The following GRM1 variants were observed in gnomAD, a reference collection of about 807,000 sequenced individuals.
GRM1 encodes the protein glutamate metabotropic receptor 1.
GRM1 carries 33 observed loss-of-function variants against 90.9 expected under a neutral mutation model. That is an observed-to-expected ratio of 0.36 (90% confidence interval 0.28 to 0.49). The LOEUF (loss-of-function observed/expected upper bound fraction) is 0.49. Ranked by LOEUF, GRM1 falls within the 20% of genes least tolerant of loss-of-function variation. The probability of loss-of-function intolerance (pLI) is 0.99; values close to 1 mark genes in which losing one functional copy is unlikely to be tolerated. For synonymous variants in GRM1, 700 were observed against 613.2 expected (o/e 1.14, Z -2.09); for missense variants, 1,190 against 1,534.3 (o/e 0.78, Z 3.75).
chr6:146,199,325 C>T (rs764354617), intron 2 of GRM1, among the ~76,000 whole-genome samples: 3 of 152,178 alleles, frequency 2.0e-5, no homozygotes, highest in Non-Finnish European at 4.4e-5. Flanking sequence ...CAGCATTGGT[C>T]ATTGCTTTCT....
At chr6:146,143,378 C>G (rs1004322357) in intron 1 of GRM1, among the ~76,000 whole-genome samples, 3 of 152,072 alleles carry the variant, frequency 2.0e-5, no homozygotes, top group African/African-American at 4.8e-5. Context: ...TTGATCCCAC[C>G]AAGCATAAGG....
intron 2 of GRM1, among the ~76,000 whole-genome samples, chr6:146,288,005 A>T (rs763203057): frequency 7.9e-5 from 12 of 152,236 alleles, no homozygotes; most frequent in Non-Finnish European, 1.8e-4. Flanking sequence ...GGAAACTAAT[A>T]TAGATTTGGC....
At chr6:146,317,155 G>T (rs953395627) in intron 3 of GRM1, among the ~76,000 whole-genome samples, 2 of 152,118 alleles carry the variant, frequency 1.3e-5, no homozygotes, top group Non-Finnish European at 2.9e-5. Context: ...TATTTTCAGA[G>T]ATTTTTAACA....
intron 1 of GRM1, among the ~76,000 whole-genome samples, chr6:146,156,752 G>C (rs1174680364): frequency 6.6e-6 from 1 of 152,184 alleles, no homozygotes; most frequent in African/African-American, 2.4e-5. Context: ...GAGTGGCAGA[G>C]GCTGAAACAG....
intron 2 of GRM1, among the ~76,000 whole-genome samples, chr6:146,287,473 A>G (rs1782808179): frequency 6.6e-6 from 1 of 152,158 alleles, no homozygotes; most frequent in South Asian, 2.1e-4. Flanking sequence ...GGCTGTTTGT[A>G]TTGGCTTCAG....
Position 146,434,556 on chromosome 6 carries a change from G to A in GRM1, c.3345G>A (p.Arg1115=). ...AGGAGTACGTGTATGAGCACGAGCG[G>A]GAAGGGAACACGGAAGAAGACGAAC... is the stretch of plus-strand genomic sequence containing the variant. ...LLQEYVYEHE[R]EGNTEEDELE... The change falls in exon 8 of 8, where the codon CGG becomes CGA. Residue 1115 remains arginine (R), a synonymous_variant. Transcript: ENST00000282753. The A allele has an allele frequency of 6.2e-7, 1 of 1,614,110 alleles. No individual in the cohort carries two copies. The highest frequency in any genetic ancestry group is 1.1e-5 in the South Asian group (1 of 91,082).
At chr6:146,268,533 T>G (rs1437713143) in intron 2 of GRM1, among the ~76,000 whole-genome samples, 4 of 152,180 alleles carry the variant, frequency 2.6e-5, no homozygotes, top group Non-Finnish European at 5.9e-5. Context: ...ACATGCTTGA[T>G]AGTATTAGGC....
At chr6:146,328,369 C>T (rs919604720) in intron 3 of GRM1, among the ~76,000 whole-genome samples, 3 of 152,128 alleles carry the variant, frequency 2.0e-5, no homozygotes, top group African/African-American at 4.8e-5. Context: ...TTGTCACTGA[C>T]CTAGGTCTGT....
intron 5 of GRM1, among the ~76,000 whole-genome samples, chr6:146,358,258 A>C (rs924822387): frequency 2.0e-5 from 3 of 152,174 alleles, no homozygotes; most frequent in Admixed American, 6.5e-5. Flanking sequence ...CAAGTGAGTA[A>C]CTATGACATC....
At chr6:146,100,923 T>A (rs766716568) in intron 1 of GRM1, among the ~76,000 whole-genome samples, 1 of 152,150 alleles carries the variant, frequency 6.6e-6, no homozygotes, top group Non-Finnish European at 1.5e-5. Flanking sequence ...CATAGTGAGA[T>A]CCTGTTTTTA....
chr6:146,140,425 T>C (rs1310568986), intron 1 of GRM1, among the ~76,000 whole-genome samples: 1 of 151,922 alleles, frequency 6.6e-6, no homozygotes, highest in Non-Finnish European at 1.5e-5. Flanking sequence ...TGCACCACCA[T>C]ACCAGGCTAA....
intron 2 of GRM1, among the ~76,000 whole-genome samples, chr6:146,256,924 C>G (rs1424811178): frequency 1.3e-5 from 2 of 152,142 alleles, no homozygotes; most frequent in South Asian, 2.1e-4. Context: ...TCTAATTTCC[C>G]CACTGCTGCT....
chr6:146,132,917 G>C (rs998620174), intron 1 of GRM1, among the ~76,000 whole-genome samples: 3 of 152,198 alleles, frequency 2.0e-5, no homozygotes, highest in Admixed American at 1.3e-4. Context: ...TACCTGGCAT[G>C]TACATGCTGG....
intron 3 of GRM1, among the ~76,000 whole-genome samples, chr6:146,331,080 G>A (rs963172615): frequency 3.9e-5 from 6 of 152,220 alleles, no homozygotes; most frequent in Admixed American, 3.9e-4. Context: ...TGCAGAAAGA[G>A]AGAGAGTGCA....
intron 3 of GRM1, among the ~76,000 whole-genome samples, chr6:146,309,624 T>C (rs1485241244): frequency 6.6e-6 from 1 of 152,156 alleles, no homozygotes; most frequent in Non-Finnish European, 1.5e-5. Context: ...CTCCATAATA[T>C]TCTAACCAGT....
intron 1 of GRM1, among the ~76,000 whole-genome samples, chr6:146,045,400 G>A (rs1050521394): frequency 5.3e-5 from 8 of 151,914 alleles, no homozygotes; most frequent in Non-Finnish European, 1.0e-4. Flanking sequence ...TAAACTGCTG[G>A]AAAGTAAGAT....
At chr6:146,238,089 A>G (rs923789866) in intron 2 of GRM1, among the ~76,000 whole-genome samples, 1 of 152,108 alleles carries the variant, frequency 6.6e-6, no homozygotes, top group Admixed American at 6.6e-5. Context: ...TTTTTGCTGG[A>G]GTGTGCGTGA....
chr6:146,411,671 C>T (rs1445004064), intron 7 of GRM1, among the ~76,000 whole-genome samples: 2 of 152,084 alleles, frequency 1.3e-5, no homozygotes, highest in African/African-American at 2.4e-5. Context: ...GTGGCCTGAC[C>T]TGTGGCTTTG....
At chr6:146,162,434 T>C (rs950148038) in intron 2 of GRM1, among the ~76,000 whole-genome samples, 1 of 152,188 alleles carries the variant, frequency 6.6e-6, no homozygotes, top group African/African-American at 2.4e-5. Flanking sequence ...TCAAAACATA[T>C]TCAGATGTGG....
Sources: gnomAD v4.1 joint callset for allele counts (sites outside exome capture counted in the v4.1 genomes callset) on GRCh38, gnomAD v4.1.1 for gene constraint, MANE v1.5 for transcripts, NCBI Gene and HGNC (gene_info 2026-07-23, HGNC 2026-07-21) for gene names.